GLMN: variants seen among roughly 807,000 people sequenced by gnomAD.
GLMN encodes the protein glomulin.
GLMN carries 75 observed loss-of-function variants against 87.8 expected under a neutral mutation model. The ratio of observed to expected loss-of-function variants is 0.85; its 90% CI spans 0.71 to 1.04. The LOEUF (loss-of-function observed/expected upper bound fraction) is 1.04. Among genes scored for constraint, GLMN ranks in the 50% least tolerant of loss-of-function variants. GLMN has a pLI of 0.00. For synonymous variants in GLMN, 206 were observed against 221.6 expected, an observed-to-expected ratio of 0.93 and a Z score of 0.63; for missense variants, 588 against 658.8, an observed-to-expected ratio of 0.89 and a Z score of 1.18.
chr1:92,259,732 CTTTTTTTTTTT>C (rs58390058), intron 16 of GLMN, among the ~76,000 whole-genome samples: 2 of 108,192 alleles, frequency 1.8e-5, no homozygotes, highest in Non-Finnish European at 3.7e-5. Flanking sequence ...TTTTTTCTTT[CTTTTTTTTTTT>C]TTTTTTTTTG....
the GLMN span, among the ~76,000 whole-genome samples, chr1:92,313,341 T>C: frequency 4.4e-3 from 668 of 152,334 alleles, 3 homozygotes; most frequent in Middle Eastern, 0.017. Flanking sequence ...GAATGGATAT[T>C]GTGTTAGCAG....
chr1:92,339,067 G>T, the GLMN span, among the ~76,000 whole-genome samples: 18 of 152,242 alleles, frequency 1.2e-4, no homozygotes, highest in African/African-American at 4.1e-4. Context: ...TCTAGCTTAT[G>T]TAGAATAGGT....
intron 7 of GLMN, among the ~76,000 whole-genome samples, chr1:92,284,394 G>T (rs1177089691): frequency 1.3e-5 from 2 of 152,118 alleles, no homozygotes; most frequent in Admixed American, 1.3e-4. Context: ...TTAATAAATG[G>T]TGCTGGGAAA....
the GLMN span, among the ~76,000 whole-genome samples, chr1:92,360,974 T>C: frequency 1.3e-5 from 2 of 151,948 alleles, no homozygotes; most frequent in African/African-American, 4.8e-5. Context: ...CTAACCTTTA[T>C]TTTCTCATAT....
the GLMN span, among the ~76,000 whole-genome samples, chr1:92,331,753 T>C: frequency 3.3e-5 from 5 of 152,286 alleles, no homozygotes; most frequent in East Asian, 9.6e-4. Context: ...TTTCATTCCT[T>C]CTTCTATCCC....
In GLMN at chr1:92,255,102, T is replaced by C. The variant is rs188239864; in HGVS notation, c.1474-7113A>G. Reference sequence around the variant, plus strand: ...CGGAAAGAAAAAAAAAAAGCAGAGGTTGCAGTCCTAGTGTCTGATAAAACA... The same window carrying C: ...CGGAAAGAAAAAAAAAAAGCAGAGGCTGCAGTCCTAGTGTCTGATAAAACA... On this transcript the variant is annotated intron_variant, in intron 16 of 18. Transcript: ENST00000370360. Among the ~76,000 whole-genome samples, 528 of 145,558 alleles carry C rather than the reference T, an allele frequency of 3.6e-3. 5 individuals carry two copies. The highest frequency in any genetic ancestry group is 4.7e-3 in the Non-Finnish European group (316 of 66,630).
At chr1:92,296,325 G>A (rs1650045138) in intron 3 of GLMN, among the ~76,000 whole-genome samples, 1 of 152,194 alleles carries the variant, frequency 6.6e-6, no homozygotes, top group Non-Finnish European at 1.5e-5. Flanking sequence ...GGGTAATTTA[G>A]AAAGAAAAGA....
intron 6 of GLMN, among the ~76,000 whole-genome samples, chr1:92,287,183 T>A (rs1057136190): frequency 6.6e-6 from 1 of 152,198 alleles, no homozygotes; most frequent in Non-Finnish European, 1.5e-5. Flanking sequence ...GTCTATGATG[T>A]TGTTTTCATT....
At chr1:92,354,890 AATTATTATTATT>A in the GLMN span, among the ~76,000 whole-genome samples, 10 of 147,684 alleles carry the variant, frequency 6.8e-5, no homozygotes, top group African/African-American at 5.0e-5. Context: ...AATTTATGTA[AATTATTATTATT>A]ATTATTATTA....
the GLMN span, among the ~76,000 whole-genome samples, chr1:92,355,589 C>G: frequency 6.6e-6 from 1 of 152,166 alleles, no homozygotes. Context: ...GTCACTCTTT[C>G]TATGGAAAGA....
At chr1:92,328,655 G>A in the GLMN span, among the ~76,000 whole-genome samples, 1 of 152,184 alleles carries the variant, frequency 6.6e-6, no homozygotes, top group Middle Eastern at 3.2e-3. Flanking sequence ...GCAATTCTGA[G>A]ATTTTGTCTT....
At chr1:92,248,431 C>T (rs759094539) in intron 16 of GLMN, 9 of 162,908 alleles carry the variant, frequency 5.5e-5, no homozygotes, top group Non-Finnish European at 9.3e-5. Context: ...TTCTAATACC[C>T]GGCTAATTTG....
the GLMN span, among the ~76,000 whole-genome samples, chr1:92,315,656 C>T: frequency 1.3e-5 from 2 of 152,156 alleles, no homozygotes; most frequent in Non-Finnish European, 2.9e-5. Context: ...AGCTCACTAC[C>T]TCATTGGTAT....
At chr1:92,366,810 G>A in the GLMN span, among the ~76,000 whole-genome samples, 1 of 152,098 alleles carries the variant, frequency 6.6e-6, no homozygotes, top group Non-Finnish European at 1.5e-5. Context: ...GGTTTGTATG[G>A]AGCCCTGCAA....
chr1:92,293,313 G>A (rs1471849231), intron 3 of GLMN, among the ~76,000 whole-genome samples: 2 of 152,048 alleles, frequency 1.3e-5, no homozygotes, highest in Non-Finnish European at 2.9e-5. Flanking sequence ...AACAAATGCT[G>A]GCAAGGATGT....
At chr1:92,293,666 T>C (rs1057504446) in intron 3 of GLMN, among the ~76,000 whole-genome samples, 3 of 152,170 alleles carry the variant, frequency 2.0e-5, no homozygotes, top group Non-Finnish European at 4.4e-5. Context: ...CCCATGTTCA[T>C]TGCAGCACTA....
intron 16 of GLMN, among the ~76,000 whole-genome samples, chr1:92,260,064 C>A (rs1570866993): frequency 6.6e-6 from 1 of 151,978 alleles, no homozygotes; most frequent in Non-Finnish European, 1.5e-5. Context: ...CCAAAATCTT[C>A]CAAAAACTCA....
Position 92,288,914 on chromosome 1 carries a change from A to T in GLMN, c.632T>A (p.Phe211Tyr). ...GAGATGTTCTTAAAATTATACTTAC[A>T]ATTTCAGTAATTCATCCTTTAACTT... ...NEKLKDELLK[F>Y]CFKSLKCPLL... The change falls in exon 6 of 19, where the codon TTT (phenylalanine) becomes TAT (tyrosine). Residue 211 changes from phenylalanine (F) to tyrosine (Y), a missense_variant and splice_region_variant. Coordinates refer to ENST00000370360, the MANE Select transcript of GLMN (RefSeq NM_053274.3). The T allele has an allele frequency of 1.4e-6, 2 of 1,402,376 alleles. No homozygotes were observed. Among genetic ancestry groups the T allele is most frequent in the Non-Finnish European group, 2.0e-6 (2 of 987,358 alleles). 86.9% of individuals were successfully genotyped at this position (1,402,376 alleles called of 1,614,324 possible). A position where few individuals can be genotyped will look rare whatever the true frequency, so the allele number is the denominator to read the frequency against.
the GLMN span, among the ~76,000 whole-genome samples, chr1:92,338,579 A>T: frequency 1.8e-3 from 271 of 152,246 alleles, 3 homozygotes; most frequent in African/African-American, 6.0e-3. Flanking sequence ...CAGGGAGTGA[A>T]TATCATCATA....
Sources: allele counts gnomAD v4.1 joint callset (sites outside exome capture counted in the v4.1 genomes callset), GRCh38; gene constraint gnomAD v4.1.1; transcripts MANE v1.5; gene names NCBI Gene and HGNC (gene_info 2026-07-23, HGNC 2026-07-21).